Variants in ZNF91 observed in about 807,000 individuals in gnomAD.
The protein encoded by ZNF91 is zinc finger protein 91 (HPF7, HTF10).
In ZNF91, 7 loss-of-function variants were observed where a neutral mutation model predicts 12.6. The ratio of observed to expected loss-of-function variants is 0.55; its 90% CI spans 0.31 to 1.04. The LOEUF is 1.04. Among genes scored for constraint, ZNF91 ranks in the 50% least tolerant of loss-of-function variants. The probability of loss-of-function intolerance (pLI) is 0.05; values close to 1 mark genes in which losing one functional copy is unlikely to be tolerated. For synonymous variants in ZNF91, 453 were observed against 462.6 expected (o/e 0.98, Z 0.27); for missense variants, 1,217 against 1,385.4 (o/e 0.88, Z 1.93).
At chr19:23,382,878 A>G (rs1237137726) in intron 1 of ZNF91, among the ~76,000 whole-genome samples, 1 of 152,112 alleles carries the variant, frequency 6.6e-6, no homozygotes, top group African/African-American at 2.4e-5. Context: ...CTACCAACCA[A>G]ATAAAGCCAA....
At chr19:23,323,461 C>A (rs924349369) in intron 1 of ZNF91, among the ~76,000 whole-genome samples, 2 of 134,132 alleles carry the variant, frequency 1.5e-5, no homozygotes, top group African/African-American at 6.1e-5. Flanking sequence ...TCCTCTACTT[C>A]TCTGTCCTCT....
At chr19:23,382,988 A>G (rs1374801362) in intron 1 of ZNF91, among the ~76,000 whole-genome samples, 2 of 152,144 alleles carry the variant, frequency 1.3e-5, no homozygotes, top group African/African-American at 4.8e-5. Context: ...CTTCTCTCCA[A>G]CTCATTATAT....
rs1172545144 is a variant in ZNF91, at chr19:23,395,423, C to CA, written c.-70dup. On this transcript the variant is annotated 5_prime_UTR_variant, in exon 1 of 4. Transcript: ENST00000300619. ...AGGCTGGGCCTCCTGGAGCAGAGGA[C>CA]ACAGAGCAGTGAAGTCGAGACCTGG... is the stretch of plus-strand genomic sequence containing the variant. The CA allele has an allele frequency of 8.2e-6, 13 of 1,588,496 alleles. No individual in the cohort carries two copies. The highest frequency in any genetic ancestry group is 1.1e-5 in the Non-Finnish European group (13 of 1,163,486).
At chr19:23,324,064 C>G (rs1414994216) in intron 1 of ZNF91, 1 of 150,486 alleles carries the variant, frequency 6.6e-6, no homozygotes, top group African/African-American at 2.5e-5. Flanking sequence ...TCCATCTCCT[C>G]TACTCCTCCT....
At chr19:23,335,243 T>G (rs763586840), downstream of ZNF91, among the ~76,000 whole-genome samples, 6 of 151,842 alleles carry the variant, frequency 4.0e-5, no homozygotes, top group Non-Finnish European at 7.4e-5. Context: ...CTACAGGGAG[T>G]TGTCTCCCAG....
intron 3 of ZNF91, among the ~76,000 whole-genome samples, chr19:23,345,939 C>T (rs777715142): frequency 2.0e-5 from 3 of 152,076 alleles, no homozygotes; most frequent in Non-Finnish European, 4.4e-5. Flanking sequence ...CTCAACCCCC[C>T]TCCCCTGTTC....
chr19:23,342,027 A>C (rs557804318), intron 3 of ZNF91: 9 of 292,094 alleles, frequency 3.1e-5, no homozygotes, highest in Admixed American at 2.9e-4. Context: ...AGATGCTCCT[A>C]TTTGGGAGCT....
chr19:23,345,967 C>A (rs1310421054), intron 3 of ZNF91, among the ~76,000 whole-genome samples: 2 of 152,080 alleles, frequency 1.3e-5, no homozygotes, highest in Non-Finnish European at 2.9e-5. Context: ...CAGCAGGAAC[C>A]ACTTCCAGGT....
intron 1 of ZNF91, among the ~76,000 whole-genome samples, chr19:23,376,512 G>A (rs1969510093): frequency 6.6e-6 from 1 of 151,520 alleles, no homozygotes; most frequent in African/African-American, 2.4e-5. Context: ...GCCTCAGCCT[G>A]CCGAGTAGCT....
In ZNF91 at chr19:23,359,043, T is replaced by TC. The variant is rs1968584142; in HGVS notation, c.*359dup. 1.9e-6 allele frequency: 1 copy of TC among 538,810 alleles called. No individual in the cohort carries two copies. The highest frequency in any genetic ancestry group is 3.6e-6 in the Non-Finnish European group (1 of 277,644). 33.4% of individuals were successfully genotyped at this position (538,810 alleles called of 1,614,324 possible). On this transcript the variant is annotated 3_prime_UTR_variant, in exon 4 of 4. Transcript: ENST00000300619. ...ATTTTTCCTGTTTGTAGGGTTGCTG[T>TC]CCAGTATGAATTTTCTTATGTCTGG...
intron 1 of ZNF91, chr19:23,384,652 T>C (rs1016276838): frequency 4.7e-6 from 3 of 642,842 alleles, no homozygotes. Context: ...TGCCATACCA[T>C]CCAAATCGGC....
At chr19:23,369,819 G>T (rs1274492640) in intron 3 of ZNF91, among the ~76,000 whole-genome samples, 1 of 150,830 alleles carries the variant, frequency 6.6e-6, no homozygotes, top group Non-Finnish European at 1.5e-5. Context: ...TGCTCGTTAA[G>T]AGTCATCACC....
intron 3 of ZNF91, among the ~76,000 whole-genome samples, chr19:23,350,027 A>G (rs1448908203): frequency 6.6e-6 from 1 of 152,200 alleles, no homozygotes; most frequent in East Asian, 1.9e-4. Flanking sequence ...GGTTCTAGAG[A>G]TAATCACTAA....
downstream of ZNF91, among the ~76,000 whole-genome samples, chr19:23,355,610 A>G (rs368761719): frequency 2.0e-5 from 3 of 152,346 alleles, no homozygotes; most frequent in Non-Finnish European, 2.9e-5. Flanking sequence ...GCTGGGACCT[A>G]GTTAAACTAA....
chr19:23,369,367 C>G (rs867183254), intron 3 of ZNF91, among the ~76,000 whole-genome samples: 1 of 151,326 alleles, frequency 6.6e-6, no homozygotes, highest in African/African-American at 2.4e-5. Context: ...CCCGGCCAGC[C>G]GCCCCGTCCG....
Position 23,360,381 on chromosome 19 carries a change from A to C in ZNF91, c.2598T>G (p.Ser866=), listed in dbSNP as rs1251245399. 7 of 1,613,526 alleles carry C rather than the reference A, an allele frequency of 4.3e-6. No individual in the cohort carries two copies. In the African/African-American group the frequency reaches 9.4e-5, roughly 22 times the overall value. ...CEECGKAFNQ[S]SNLTTHKIIH... is the part of the protein sequence containing the mutation. ...TTATCTTATGTGTCGTAAGATTTGA[A>C]GATTGATTAAAAGCTTTGCCACATT... The change falls in exon 4 of 4, where the codon TCT becomes TCG. Residue 866 remains serine (S), a synonymous_variant. Coordinates refer to ENST00000300619, the MANE Select transcript of ZNF91 (RefSeq NM_003430.4).
In ZNF91 at chr19:23,368,562, C is replaced by CTATATATATA. The variant is rs71163494; in HGVS notation, c.253+5170_253+5179dup. 1.4e-3 allele frequency among the ~76,000 whole-genome samples: 168 copies of CTATATATATA among 118,568 alleles called. 4 individuals carry two copies. The highest frequency in any genetic ancestry group is 4.5e-3 in the Middle Eastern group (1 of 222). 77.8% of individuals were successfully genotyped at this position (118,568 alleles called of 152,430 possible). A position where few individuals can be genotyped will look rare whatever the true frequency, so the allele number is the denominator to read the frequency against. On this transcript the variant is annotated intron_variant, in intron 3 of 3. Transcript: ENST00000300619. ...TCTCTCTCTCTCTCTCTCTCTCTCTCTATATATATATGAAACACATGACAT... is the reference window on the plus strand; with the variant it reads ...TCTCTCTCTCTCTCTCTCTCTCTCTCTATATATATATATATATATATGAAACACATGACAT...
chr19:23,394,496 C>T (rs146384405), intron 1 of ZNF91, among the ~76,000 whole-genome samples: 2 of 152,148 alleles, frequency 1.3e-5, no homozygotes, highest in East Asian at 3.9e-4. Flanking sequence ...TTTCGGAGGC[C>T]AAGGTGGGTG....
chr19:23,380,378 C>A (rs1283715574), intron 1 of ZNF91: 5 of 146,786 alleles, frequency 3.4e-5, no homozygotes, highest in South Asian at 4.3e-4. Flanking sequence ...AATGGGAATG[C>A]GAGCATTATC....
Sources: gnomAD v4.1 joint callset for allele counts (sites outside exome capture counted in the v4.1 genomes callset) on GRCh38, gnomAD v4.1.1 for gene constraint, MANE v1.5 for transcripts, NCBI Gene and HGNC (gene_info 2026-07-23, HGNC 2026-07-21) for gene names.